The following PAX8 variants were observed in gnomAD, a reference collection of about 807,000 sequenced individuals.
PAX8 encodes the protein paired box protein Pax-8.
In PAX8, 15 loss-of-function variants were observed where a neutral mutation model predicts 52.4. That is an observed-to-expected ratio of 0.29 (90% CI 0.19 to 0.44). The LOEUF (loss-of-function observed/expected upper bound fraction) is 0.44. PAX8 is among the 20% of genes least tolerant of loss of function. The pLI is 1.00. For missense variants in PAX8, 554 were observed against 602.5 expected (o/e 0.92, Z 0.84); for synonymous variants, 284 against 249.7 (o/e 1.14, Z -1.29).
chr2:113,241,249 A>G (rs879451447), intron 7 of PAX8: 3 of 523,416 alleles, frequency 5.7e-6, no homozygotes, highest in Non-Finnish European at 1.0e-5. Context: ...GTGGAACGTG[A>G]TGTTGCAATC....
At chr2:113,242,344 C>T (rs891891569) in intron 5 of PAX8, among the ~76,000 whole-genome samples, 2 of 149,380 alleles carry the variant, frequency 1.3e-5, no homozygotes, top group Non-Finnish European at 3.0e-5. Context: ...GAGTGACACC[C>T]CTCACAGTCC....
intron 10 of PAX8, among the ~76,000 whole-genome samples, chr2:113,221,732 G>T (rs1418851257): frequency 6.6e-6 from 1 of 152,132 alleles, no homozygotes; most frequent in East Asian, 1.9e-4. Flanking sequence ...CCTGGGTTGG[G>T]GTTAGTGGGA....
intron 9 of PAX8, among the ~76,000 whole-genome samples, chr2:113,234,017 G>A (rs1363425958): frequency 6.6e-6 from 1 of 152,218 alleles, no homozygotes; most frequent in Non-Finnish European, 1.5e-5. Context: ...CGTCGGGGTA[G>A]GAGGGTGTGG....
chr2:113,246,410 C>A (rs1691325064), intron 3 of PAX8, among the ~76,000 whole-genome samples: 1 of 152,098 alleles, frequency 6.6e-6, no homozygotes. Context: ...GCCTAATTTC[C>A]CTAGGTCTCG....
rs371624917 is a variant in PAX8, at chr2:113,246,746, G to C, written c.191+8C>G. On this transcript the variant is annotated splice_region_variant and intron_variant, in intron 3 of 11. Coordinates refer to ENST00000429538, the MANE Select transcript of PAX8 (RefSeq NM_003466.4). ...GGGAAGGCGGCCTGCGGTGAATTTCGTGCTTACCTGCCAAGGATCTTGCTG... is the reference window on the plus strand; with the variant it reads ...GGGAAGGCGGCCTGCGGTGAATTTCCTGCTTACCTGCCAAGGATCTTGCTG... 3 of 1,611,196 alleles carry C rather than the reference G, an allele frequency of 1.9e-6. No homozygotes were observed. The highest frequency in any genetic ancestry group is 1.7e-5 in the Admixed American group (1 of 59,972).
At chr2:113,236,751 A>T (rs1319511414) in intron 7 of PAX8, 30 bp from the exon 8 acceptor site, 1 of 1,545,524 alleles carries the variant, frequency 6.5e-7, no homozygotes, top group Non-Finnish European at 8.7e-7. Context: ...CAGCGCACAG[A>T]GACGATCCAA....
At chr2:113,221,923 A>C (rs1033104036) in intron 10 of PAX8, among the ~76,000 whole-genome samples, 2 of 152,326 alleles carry the variant, frequency 1.3e-5, no homozygotes, top group African/African-American at 4.8e-5. Context: ...TCAAGCAAAA[A>C]ACATGGGTAA....
At chr2:113,242,938 T>C (rs1349108191) in intron 4 of PAX8, among the ~76,000 whole-genome samples, 160 bp from the exon 5 acceptor site, 8 of 152,202 alleles carry the variant, frequency 5.3e-5, no homozygotes, top group Admixed American at 5.2e-4. Context: ...TCCGCATGCC[T>C]AGTCCTCCTC....
chr2:113,241,142 A>G (rs1480063498), intron 7 of PAX8: 2 of 346,886 alleles, frequency 5.8e-6, no homozygotes, highest in Non-Finnish European at 1.1e-5. Flanking sequence ...TGAGTAATGC[A>G]AGAGCATGGG....
chr2:113,255,994 T>TTAAA (rs1692220304), intron 2 of PAX8, among the ~76,000 whole-genome samples: 1 of 135,310 alleles, frequency 7.4e-6, no homozygotes, highest in African/African-American at 2.7e-5. Context: ...GCTCAATCAG[T>TTAAA]AAAAAAAAAA....
intron 2 of PAX8, chr2:113,259,232 A>T (rs1355339334): frequency 6.6e-6 from 1 of 152,656 alleles, no homozygotes; most frequent in Non-Finnish European, 1.5e-5. Flanking sequence ...CCATTTCCCA[A>T]GCAGGGGACT....
At position 113,227,593 on chromosome 2, in the gene PAX8, C is replaced by T. The variant is rs4849179; in HGVS notation, c.1088-337G>A. 0.37 allele frequency among the ~76,000 whole-genome samples: 56,369 copies of T among 152,036 alleles called. 10,518 individuals carry two copies. The highest frequency in any genetic ancestry group is 0.45 in the South Asian group (2,144 of 4,816). The stretch of plus-strand genomic sequence containing the variant: ...AGGCTGAGGTTATGTCTTCTGTTTT[C>T]TGTTACCCCCAACAGCAGCCAGCAG... On this transcript the variant is annotated intron_variant, in intron 9 of 11. Transcript: ENST00000429538.
chr2:113,219,143 C>T (rs1022933348), intron 11 of PAX8, among the ~76,000 whole-genome samples: 1 of 152,106 alleles, frequency 6.6e-6, no homozygotes, highest in East Asian at 1.9e-4. Context: ...TCATTGCCCT[C>T]GTCTTTTCTG....
At chr2:113,235,787 T>A in intron 8 of PAX8, 2 of 559,450 alleles carry the variant, frequency 3.6e-6, no homozygotes, top group Non-Finnish European at 6.3e-6. Context: ...GCTGCGCTTC[T>A]GCAGCGAAAA....
At chr2:113,268,991 G>C (rs1466486913) in intron 2 of PAX8, 1 of 152,278 alleles carries the variant, frequency 6.6e-6, no homozygotes, top group Non-Finnish European at 1.5e-5. Flanking sequence ...GACCTTCCTG[G>C]TATGGGGTAC....
chr2:113,218,565 G>T lies in PAX8; in HGVS notation c.1321C>A (p.Pro441Thr), dbSNP rs2104409841. Reference protein sequence around the residue: ...YSSTSRPSAPPTTATAFDHL With the variant: ...YSSTSRPSAPTTTATAFDHL Reference sequence around the variant, plus strand: ...TGGTCAAAGGCCGTGGCAGTGGTGGGCGGTGCACTCGGCCTTGATGTGGAA... The same window carrying T: ...TGGTCAAAGGCCGTGGCAGTGGTGGTCGGTGCACTCGGCCTTGATGTGGAA... The change falls in exon 12 of 12, where the codon CCC becomes ACC. Residue 441 changes from proline to threonine, a missense_variant. Coordinates refer to ENST00000429538, the MANE Select transcript of PAX8 (RefSeq NM_003466.4). The T allele has an allele frequency of 6.4e-7, 1 of 1,559,708 alleles. No homozygotes were observed. Among genetic ancestry groups the T allele is most frequent in the Non-Finnish European group, 8.7e-7 (1 of 1,151,620 alleles).
rs758369476 is a variant in PAX8 at position 113,227,209 on chromosome 2, G to T, written c.1135C>A (p.Pro379Thr). The T allele has an allele frequency of 6.2e-7, 1 of 1,611,124 alleles. No homozygotes were observed. Among genetic ancestry groups the T allele is most frequent in the South Asian group, 1.1e-5 (1 of 90,214 alleles). ...GCATAGCTGCCCTGTCCGCTGGTGG[G>T]GATGTGGGGTGGGTATCCGGGCAGC... Reference protein sequence around the residue: ...PTLPGYPPHIPTSGQGSYASS... With the variant: ...PTLPGYPPHITTSGQGSYASS... Residue 379 changes from proline (P) to threonine (T), a missense_variant, in exon 10 of 12, where the codon CCC (proline) becomes ACC (threonine). By Grantham distance (38) the Pro-to-Thr change is conservative. Around this residue, in one of 2 missense-constraint regions of PAX8, gnomAD observed 445 missense variants for 409.9 expected, o/e 1.09. Coordinates refer to ENST00000429538, the MANE Select transcript of PAX8 (RefSeq NM_003466.4).
chr2:113,224,396 A>C (rs1318620284), intron 10 of PAX8, among the ~76,000 whole-genome samples: 3 of 151,902 alleles, frequency 2.0e-5, no homozygotes. Flanking sequence ...AAAATATAAA[A>C]ATTAGCCAGG....
chr2:113,218,316 G>A lies in PAX8; in HGVS notation c.*217C>T, dbSNP rs1195704061. 2 of 404,614 alleles carry A rather than the reference G, an allele frequency of 4.9e-6. No homozygotes were observed. The highest frequency in any genetic ancestry group is 3.6e-5 in the East Asian group (1 of 28,046). 25.1% of individuals were successfully genotyped at this position (404,614 alleles called of 1,614,324 possible). On this transcript the variant is annotated 3_prime_UTR_variant, in exon 12 of 12. Coordinates refer to ENST00000429538, the MANE Select transcript of PAX8 (RefSeq NM_003466.4). Reference sequence around the variant, plus strand: ...ATGGTTCTCTTTCCCTGGGACTCCTGCCCCTCATTAAGGAGTCTTGGAGGA... The same window carrying A: ...ATGGTTCTCTTTCCCTGGGACTCCTACCCCTCATTAAGGAGTCTTGGAGGA...
Sources: gnomAD v4.1 joint callset for allele counts (sites outside exome capture counted in the v4.1 genomes callset) on GRCh38, gnomAD v4.1.1 for gene constraint, gnomAD v4.1.1 regional missense constraint, MANE v1.5 for transcripts, NCBI Gene and HGNC (gene_info 2026-07-23, HGNC 2026-07-21) for gene names.